The following CYLC2 variants were observed in gnomAD, a reference collection of about 807,000 sequenced individuals.
CYLC2 encodes cylicin-2.
CYLC2 carries 30 observed loss-of-function variants against 26.1 expected under a neutral mutation model. That is an observed-to-expected ratio of 1.15 (90% CI 0.86 to 1.56). The LOEUF (loss-of-function observed/expected upper bound fraction) is 1.56. Among genes scored for constraint, CYLC2 ranks in the 40% most tolerant of loss-of-function variants. CYLC2 has a pLI of 0.00. For synonymous variants in CYLC2, 158 were observed against 132.8 expected (o/e 1.19, Z -1.31); for missense variants, 498 against 394.4 (o/e 1.26, Z -2.23).
At chr9:103,006,927 G>A (rs909828452) in intron 5 of CYLC2, among the ~76,000 whole-genome samples, 1 of 151,978 alleles carries the variant, frequency 6.6e-6, no homozygotes, top group Non-Finnish European at 1.5e-5. Context: ...TGCTCTCATC[G>A]CATAAATGAT....
intron 6 of CYLC2, 96 bp from the exon 7 acceptor site, chr9:103,016,792 A>C (rs1038345531): frequency 1.3e-5 from 2 of 152,066 alleles, no homozygotes; most frequent in Non-Finnish European, 2.9e-5. Flanking sequence ...ATGGCTGAAC[A>C]TGAAAGATGA....
rs1412393539 is a variant in CYLC2, at chr9:103,006,234, GC to G, written c.*557del. ...TTCAAGTAAATATAGCATTCCTTTGGCAAAAAGAAAAAAAAAGTAAAAGAAA... is the reference window on the plus strand; with the variant it reads ...TTCAAGTAAATATAGCATTCCTTTGGAAAAAGAAAAAAAAAGTAAAAGAAA... On this transcript the variant is annotated 3_prime_UTR_variant, in exon 5 of 8. Coordinates refer to ENST00000374798, the MANE Select transcript of CYLC2 (RefSeq NM_001340.5). 3.3e-5 allele frequency: 5 copies of G among 150,412 alleles called. No homozygotes were observed. In the East Asian group the frequency reaches 9.7e-4, roughly 29 times the overall value. The allele number at this position is 150,412 out of a possible 1,614,324, so 9.3% of individuals were successfully genotyped here. A position where few individuals can be genotyped will look rare whatever the true frequency, so the allele number is the denominator to read the frequency against.
intron 1 of CYLC2, among the ~76,000 whole-genome samples, chr9:102,999,740 A>C (rs778615445): frequency 6.6e-6 from 1 of 151,818 alleles, no homozygotes; most frequent in Non-Finnish European, 1.5e-5. Context: ...GATTTTTCTT[A>C]TTTATTTTGT....
At position 103,005,587 on chromosome 9, in the gene CYLC2, C is replaced by A. The variant is rs3763636; in HGVS notation, c.956C>A (p.Ala319Glu). ...EKESADSKKD[A>E]KKNAKKDAKK... ...GAATCTGCTGATTCAAAGAAGGATG[C>A]AAAGAAAAATGCTAAGAAGGATGCA... is the stretch of plus-strand genomic sequence containing the variant. The change falls in exon 5 of 8, where the codon GCA (alanine) becomes GAA (glutamate). Residue 319 changes from alanine (A) to glutamate (E), a missense_variant. Physicochemically the swap from Ala to Glu is moderately radical, Grantham distance 107. Transcript: ENST00000374798. 9.4e-3 allele frequency: 15,183 copies of A among 1,608,688 alleles called. 728 individuals carry two copies. The East Asian group carries it at 0.16, about 17-fold the overall frequency.
At chr9:102,999,649 C>T (rs1276645428) in intron 1 of CYLC2, among the ~76,000 whole-genome samples, 2 of 151,216 alleles carry the variant, frequency 1.3e-5, no homozygotes, top group African/African-American at 4.9e-5. Flanking sequence ...TTCTCTATTG[C>T]TGGTTTTCTC....
rs564584235 is a variant in CYLC2, at chr9:103,007,990, G to T, written c.*700+1612G>T. Among the ~76,000 whole-genome samples, 8 of 150,654 alleles carry T rather than the reference G, an allele frequency of 5.3e-5. No individual in the cohort carries two copies. The East Asian group carries it at 1.5e-3, about 29-fold the overall frequency. On this transcript the variant is annotated intron_variant, in intron 5 of 7. Coordinates refer to ENST00000374798, the MANE Select transcript of CYLC2 (RefSeq NM_001340.5). Reference sequence around the variant, plus strand: ...CCTGGGTCAGCTGTAATGGCAGAGGGAGTCAAATCCTGGCCCTTTGTTCTC... The same window carrying T: ...CCTGGGTCAGCTGTAATGGCAGAGGTAGTCAAATCCTGGCCCTTTGTTCTC...
At chr9:103,011,361 C>T (rs114460395) in intron 5 of CYLC2, among the ~76,000 whole-genome samples, 53 of 152,126 alleles carry the variant, frequency 3.5e-4, no homozygotes, top group African/African-American at 1.2e-3. Flanking sequence ...GAAATACTTA[C>T]GTTTCATAAA....
intron 7 of CYLC2, among the ~76,000 whole-genome samples, chr9:103,017,616 A>G (rs141949692): frequency 3.4e-4 from 51 of 152,194 alleles, no homozygotes; most frequent in African/African-American, 1.2e-3. Context: ...TAAACCCAGG[A>G]CAAAGAATAT....
At chr9:103,000,810 A>G (rs987856967) in intron 1 of CYLC2, among the ~76,000 whole-genome samples, 17 of 152,110 alleles carry the variant, frequency 1.1e-4, no homozygotes, top group African/African-American at 4.1e-4. Context: ...TATCCAAAAT[A>G]TAATGAAACA....
intron 1 of CYLC2, 96 bp downstream of exon 1, chr9:102,995,493 T>G: frequency 1.1e-6 from 1 of 891,224 alleles, no homozygotes; most frequent in Non-Finnish European, 1.9e-6. Flanking sequence ...ATTATTATGA[T>G]GCCATTCATA....
At chr9:102,999,965 C>T (rs931078051) in intron 1 of CYLC2, among the ~76,000 whole-genome samples, 1 of 151,646 alleles carries the variant, frequency 6.6e-6, no homozygotes, top group African/African-American at 2.4e-5. Flanking sequence ...TTTATATTAG[C>T]CTTGAAAATG....
rs748393005 is a variant in CYLC2 at position 103,005,642 on chromosome 9, G to A, written c.1011G>A (p.Lys337=). The A allele has an allele frequency of 1.8e-5, 29 of 1,611,982 alleles. No individual in the cohort carries two copies. Among genetic ancestry groups the A allele is most frequent in the South Asian group, 2.2e-5 (2 of 90,750 alleles). ...AGGATGCAAAGAAGAATGCAAAGAAGGATGAAAAGAAGGATGCAAAGAAGA... is the reference window on the plus strand; with the variant it reads ...AGGATGCAAAGAAGAATGCAAAGAAAGATGAAAAGAAGGATGCAAAGAAGA... ...AKKDAKKNAK[K]DEKKDAKKKG... is the part of the protein sequence containing the mutation. Residue 337 remains lysine (K), a synonymous_variant, in exon 5 of 8, where the codon AAG becomes AAA. Coordinates refer to ENST00000374798, the MANE Select transcript of CYLC2 (RefSeq NM_001340.5).
rs1426628869 is a variant in CYLC2, at chr9:103,005,181, G to A, written c.550G>A (p.Gly184Ser). ...SATESEDEKG[G>S]AKKDNKKDKK... ...AACAGAATCTGAAGATGAAAAAGGAGGTGCAAAGAAAGATAACAAAAAAGA... is the reference window on the plus strand; with the variant it reads ...AACAGAATCTGAAGATGAAAAAGGAAGTGCAAAGAAAGATAACAAAAAAGA... The change falls in exon 5 of 8, where the codon GGT becomes AGT. Residue 184 changes from glycine to serine, a missense_variant. Gly to Ser is a moderately conservative substitution (Grantham distance 56). Transcript: ENST00000374798. 3.7e-6 allele frequency: 6 copies of A among 1,605,990 alleles called. No homozygotes were observed. The highest frequency in any genetic ancestry group is 2.7e-5 in the African/African-American group (2 of 73,890).
At chr9:103,002,167 C>T (rs1392794555) in intron 2 of CYLC2, among the ~76,000 whole-genome samples, 1 of 151,902 alleles carries the variant, frequency 6.6e-6, no homozygotes, top group African/African-American at 2.4e-5. Flanking sequence ...ATTAATGCTG[C>T]ATGTGTCTAA....
chr9:103,015,034 TG>T (rs1564101524), intron 6 of CYLC2, among the ~76,000 whole-genome samples: 68 of 123,324 alleles, frequency 5.5e-4, no homozygotes, highest in Non-Finnish European at 9.7e-4. Flanking sequence ...ATAATACATG[TG>T]ATATACATAA....
intron 1 of CYLC2, among the ~76,000 whole-genome samples, chr9:102,998,899 A>C (rs1015290952): frequency 6.6e-6 from 1 of 151,862 alleles, no homozygotes; most frequent in Non-Finnish European, 1.5e-5. Flanking sequence ...TTTCAATATA[A>C]TATTCCTTTG....
Position 103,003,124 on chromosome 9 carries a change from T to C in CYLC2, c.59-18T>C, listed in dbSNP as rs769735161. ...TTCTATTCACTCCAAAATGTGTTTT[T>C]TGTCTCCCTTATTTTAGTCAGTGAA... On this transcript the variant is annotated intron_variant, in intron 2 of 7. Coordinates refer to ENST00000374798, the MANE Select transcript of CYLC2 (RefSeq NM_001340.5). 1 of 1,612,526 alleles carries C rather than the reference T, an allele frequency of 6.2e-7. No homozygotes were observed. The highest frequency in any genetic ancestry group is 1.1e-5 in the South Asian group (1 of 90,882).
At chr9:102,998,976 CATT>C (rs1438170841) in intron 1 of CYLC2, among the ~76,000 whole-genome samples, 3 of 151,762 alleles carry the variant, frequency 2.0e-5, no homozygotes, top group Non-Finnish European at 4.4e-5. Context: ...AGAAGTATTC[CATT>C]ACATTTACAT....
At chr9:102,998,172 G>C (rs1232922525) in intron 1 of CYLC2, among the ~76,000 whole-genome samples, 1 of 151,774 alleles carries the variant, frequency 6.6e-6, no homozygotes, top group East Asian at 1.9e-4. Context: ...CTTAATTACT[G>C]TGTTTCCTTA....
Sources: allele counts gnomAD v4.1 joint callset (sites outside exome capture counted in the v4.1 genomes callset), GRCh38; gene constraint gnomAD v4.1.1; transcripts MANE v1.5; gene names NCBI Gene and HGNC (gene_info 2026-07-23, HGNC 2026-07-21).